Variants in ROBO1 observed in about 807,000 individuals in gnomAD.
ROBO1 encodes roundabout guidance receptor 1.
ROBO1 carries 149 observed loss-of-function variants against 195.9 expected under a neutral mutation model. The ratio of observed to expected loss-of-function variants is 0.76; its 90% CI spans 0.67 to 0.87. ROBO1 has a LOEUF of 0.87. ROBO1 is among the 40% of genes least tolerant of loss of function. The probability of loss-of-function intolerance (pLI) is 0.00; values close to 1 mark genes in which losing one functional copy is unlikely to be tolerated. For missense variants in ROBO1, 1,933 were observed against 2,068.3 expected (o/e 0.93, Z 1.27); for synonymous variants, 816 against 733.2 (o/e 1.11, Z -1.82).
At chr3:79,736,743 A>G (rs1004484246) in intron 1 of ROBO1, among the ~76,000 whole-genome samples, 1 of 152,220 alleles carries the variant, frequency 6.6e-6, no homozygotes, top group African/African-American at 2.4e-5. Flanking sequence ...AGACTTGAAT[A>G]CATTCTTGCA....
At position 79,601,980 on chromosome 3, in the gene ROBO1, G is replaced by A. The variant is rs117364167; in HGVS notation, c.-50-12019C>T. On this transcript the variant is annotated intron_variant, in intron 1 of 30. Coordinates refer to ENST00000464233, the MANE Select transcript of ROBO1 (RefSeq NM_002941.4). ...AATAACTATGTTTTTATAGCTATTC[G>A]TATTACAGCATGATATTAATTTCTA... Among the ~76,000 whole-genome samples the A allele has an allele frequency of 5.1e-4, 78 of 151,996 alleles. 1 individual carries two copies. The East Asian group carries it at 0.013, about 25-fold the overall frequency.
At chr3:79,390,277 G>A (rs1334445546) in intron 2 of ROBO1, among the ~76,000 whole-genome samples, 1 of 151,658 alleles carries the variant, frequency 6.6e-6, no homozygotes, top group Non-Finnish European at 1.5e-5. Flanking sequence ...ATAGGATACC[G>A]GCTCTGAAAC....
chr3:78,631,371 T>C, intron 24 of ROBO1, 66 bp from the exon 25 acceptor site: 1 of 1,478,362 alleles, frequency 6.8e-7, no homozygotes, highest in African/African-American at 1.4e-5. Flanking sequence ...TAGTCACAAG[T>C]TAATTATTTT....
At chr3:78,915,203 T>C (rs892981169) in intron 4 of ROBO1, among the ~76,000 whole-genome samples, 1 of 152,118 alleles carries the variant, frequency 6.6e-6, no homozygotes, top group Non-Finnish European at 1.5e-5. Context: ...CTGACAGTGG[T>C]TTAGATTCAG....
At chr3:78,688,476 G>A (rs544645789) in intron 9 of ROBO1, among the ~76,000 whole-genome samples, 172 bp downstream of exon 9, 16 of 152,164 alleles carry the variant, frequency 1.1e-4, no homozygotes, top group Non-Finnish European at 1.9e-4. Flanking sequence ...TTCAAGCGGT[G>A]AAGACAATTT....
chr3:79,543,099 A>G (rs931712945), intron 2 of ROBO1, among the ~76,000 whole-genome samples: 1 of 152,062 alleles, frequency 6.6e-6, no homozygotes, highest in African/African-American at 2.4e-5. Flanking sequence ...TTCTTGGAAA[A>G]GCATTTGTTC....
intron 3 of ROBO1, among the ~76,000 whole-genome samples, chr3:79,053,509 G>A (rs2078743951): frequency 6.6e-6 from 1 of 151,940 alleles, no homozygotes; most frequent in Non-Finnish European, 1.5e-5. Context: ...AAATTTACCT[G>A]TAATTCTACA....
intron 3 of ROBO1, among the ~76,000 whole-genome samples, chr3:79,107,729 G>A (rs1263647340): frequency 6.6e-6 from 1 of 151,522 alleles, no homozygotes; most frequent in Non-Finnish European, 1.5e-5. Context: ...TACAAACATT[G>A]GTTGATATTG....
chr3:78,953,902 AT>A (rs2040914785), intron 3 of ROBO1, among the ~76,000 whole-genome samples: 2 of 152,166 alleles, frequency 1.3e-5, no homozygotes, highest in South Asian at 2.1e-4. Context: ...TTAATCAAGT[AT>A]TTTGGAAGCT....
Position 78,661,980 on chromosome 3 carries a change from T to A in ROBO1, c.2088+13A>T, listed in dbSNP as rs1209695712. The A allele has an allele frequency of 6.2e-7, 1 of 1,604,544 alleles. No homozygotes were observed. Among genetic ancestry groups the A allele is most frequent in the South Asian group, 1.1e-5 (1 of 88,698 alleles). ...GCTTATTAAAACTGAGATCAAATAT[T>A]GTAACAACTCACTGTCCAGTGCACT... On this transcript the variant is annotated intron_variant, in intron 15 of 30. Coordinates refer to ENST00000464233, the MANE Select transcript of ROBO1 (RefSeq NM_002941.4).
chr3:79,087,522 C>T (rs1032140651), intron 3 of ROBO1, among the ~76,000 whole-genome samples: 1 of 151,666 alleles, frequency 6.6e-6, no homozygotes, highest in Admixed American at 6.6e-5. Flanking sequence ...TTCCTTCCTT[C>T]CTTTCCTTCC....
intron 1 of ROBO1, among the ~76,000 whole-genome samples, chr3:79,596,469 G>A (rs778073086): frequency 6.6e-6 from 1 of 151,910 alleles, no homozygotes; most frequent in Non-Finnish European, 1.5e-5. Context: ...TTCAATGAGG[G>A]TATGTGTGAT....
intron 2 of ROBO1, among the ~76,000 whole-genome samples, chr3:79,475,020 T>C (rs1049874054): frequency 3.3e-5 from 5 of 152,040 alleles, no homozygotes; most frequent in African/African-American, 1.2e-4. Context: ...ACATCTTATA[T>C]TTGACATCTG....
At chr3:79,662,612 G>C (rs1946361633) in intron 1 of ROBO1, among the ~76,000 whole-genome samples, 1 of 151,996 alleles carries the variant, frequency 6.6e-6, no homozygotes, top group Admixed American at 6.6e-5. Flanking sequence ...AGCATTACAG[G>C]ATCAAAAACT....
At chr3:79,687,731 A>C (rs553704805) in intron 1 of ROBO1, among the ~76,000 whole-genome samples, 1 of 152,288 alleles carries the variant, frequency 6.6e-6, no homozygotes, top group East Asian at 1.9e-4. Context: ...CAGGTGCTGG[A>C]GAGGATGTGG....
intron 3 of ROBO1, among the ~76,000 whole-genome samples, chr3:78,960,457 A>G (rs1041730953): frequency 4.6e-5 from 7 of 151,776 alleles, no homozygotes; most frequent in Admixed American, 4.6e-4. Flanking sequence ...ACCTGACTAA[A>G]TAACACTATG....
At chr3:79,043,767 A>G (rs1278560723) in intron 3 of ROBO1, among the ~76,000 whole-genome samples, 1 of 152,158 alleles carries the variant, frequency 6.6e-6, no homozygotes, top group Non-Finnish European at 1.5e-5. Flanking sequence ...AACTAGGCAA[A>G]CAAAGAACTC....
intron 4 of ROBO1, among the ~76,000 whole-genome samples, chr3:78,778,949 C>T (rs1413713773): frequency 6.6e-6 from 1 of 152,062 alleles, no homozygotes; most frequent in East Asian, 1.9e-4. Flanking sequence ...AGAAATAACG[C>T]CACGCATCTA....
intron 3 of ROBO1, among the ~76,000 whole-genome samples, chr3:79,005,134 C>T (rs745981722): frequency 2.0e-5 from 3 of 152,186 alleles, no homozygotes; most frequent in Non-Finnish European, 2.9e-5. Context: ...AACATGCCTC[C>T]TATGGACAAT....
Sources: gnomAD v4.1 joint callset for allele counts (sites outside exome capture counted in the v4.1 genomes callset) on GRCh38, gnomAD v4.1.1 for gene constraint, MANE v1.5 for transcripts, NCBI Gene and HGNC (gene_info 2026-07-23, HGNC 2026-07-21) for gene names.